ABCD2: variants seen among roughly 807,000 people sequenced by gnomAD.
ABCD2 encodes the protein ATP binding cassette subfamily D member 2.
ABCD2 carries 36 observed loss-of-function variants against 70.9 expected under a neutral mutation model. The observed-to-expected ratio is 0.51, with a 90% CI of 0.39 to 0.67. ABCD2 has a LOEUF of 0.67. Among genes scored for constraint, ABCD2 ranks in the 30% least tolerant of loss-of-function variants. The pLI is 0.00. For synonymous variants in ABCD2, 304 were observed against 306.9 expected, an observed-to-expected ratio of 0.99 and a Z score of 0.10; for missense variants, 729 against 890.2, an observed-to-expected ratio of 0.82 and a Z score of 2.30.
chr12:39,613,830 A>T (rs930969300), intron 2 of ABCD2, among the ~76,000 whole-genome samples: 7 of 152,248 alleles, frequency 4.6e-5, no homozygotes, highest in Non-Finnish European at 1.0e-4. Flanking sequence ...GAATTTGAAT[A>T]CAAACATAAT....
rs769271569 is a variant in ABCD2, at chr12:39,579,637, A to G, written c.1793-18T>C. On this transcript the variant is annotated intron_variant, in intron 7 of 9. Transcript: ENST00000308666. The stretch of plus-strand genomic sequence containing the variant: ...ATCCCATCCTTAAGAAAATAAAAAA[A>G]TATACATTTTTATAAATCATTTGTT... The G allele has an allele frequency of 6.4e-6, 10 of 1,559,298 alleles. No individual in the cohort carries two copies. Among genetic ancestry groups the G allele is most frequent in the South Asian group, 5.8e-5 (5 of 86,904 alleles).
At chr12:39,567,678 C>A (rs956660121) in intron 9 of ABCD2, among the ~76,000 whole-genome samples, 1 of 152,134 alleles carries the variant, frequency 6.6e-6, no homozygotes, top group African/African-American at 2.4e-5. Flanking sequence ...ATGATGTTAG[C>A]TGATTATTTT....
chr12:39,569,547 G>A (rs1278978890), intron 9 of ABCD2, among the ~76,000 whole-genome samples: 1 of 152,204 alleles, frequency 6.6e-6, no homozygotes, highest in African/African-American at 2.4e-5. Context: ...GAGTAGGAAA[G>A]GGAATTCCCT....
chr12:39,548,444 C>T (rs1033670878), downstream of ABCD2, among the ~76,000 whole-genome samples: 4 of 152,002 alleles, frequency 2.6e-5, no homozygotes, highest in Admixed American at 6.6e-5. Flanking sequence ...GGAAACTTGT[C>T]TCATATAAAC....
intron 9 of ABCD2, among the ~76,000 whole-genome samples, chr12:39,573,239 A>G (rs1210326775): frequency 6.6e-6 from 1 of 152,092 alleles, no homozygotes; most frequent in East Asian, 1.9e-4. Context: ...GTTCTAAAAA[A>G]ATTTAGCTCA....
At chr12:39,603,708 C>T (rs945222111) in intron 5 of ABCD2, among the ~76,000 whole-genome samples, 7 of 152,008 alleles carry the variant, frequency 4.6e-5, no homozygotes, top group African/African-American at 1.7e-4. Flanking sequence ...TTCAACCTGG[C>T]AATAAAGCAG....
chr12:39,554,623 T>G (rs1241038363), intron 9 of ABCD2, among the ~76,000 whole-genome samples: 1 of 152,224 alleles, frequency 6.6e-6, no homozygotes, highest in East Asian at 1.9e-4. Context: ...TTAAAAACAT[T>G]TTAAAAAACA....
At chr12:39,535,869 G>A in the ABCD2 span, among the ~76,000 whole-genome samples, 1 of 152,264 alleles carries the variant, frequency 6.6e-6, no homozygotes, top group Non-Finnish European at 1.5e-5. Context: ...GAGGCCAGGC[G>A]CGGTGGCTCA....
chr12:39,533,114 G>A, the ABCD2 span, among the ~76,000 whole-genome samples: 10 of 152,088 alleles, frequency 6.6e-5, no homozygotes, highest in East Asian at 1.7e-3. Context: ...GCAGTGAGCC[G>A]AGATCGTGTC....
the ABCD2 span, among the ~76,000 whole-genome samples, chr12:39,541,966 T>C: frequency 0.084 from 12,842 of 152,100 alleles, 1,840 homozygotes; most frequent in African/African-American, 0.29. Context: ...GAAGACAGGA[T>C]AGTGATGGCA....
intron 7 of ABCD2, among the ~76,000 whole-genome samples, chr12:39,584,951 T>G (rs1020131919): frequency 1.3e-5 from 2 of 152,214 alleles, no homozygotes; most frequent in Non-Finnish European, 2.9e-5. Context: ...TGGGGCAGCA[T>G]GATGCCTCCA....
intron 1 of ABCD2, among the ~76,000 whole-genome samples, chr12:39,618,063 A>T (rs1237314799): frequency 6.7e-6 from 1 of 149,640 alleles, no homozygotes; most frequent in Non-Finnish European, 1.5e-5. Flanking sequence ...ATTTCATTTC[A>T]CTTCCTCTTT....
chr12:39,589,796 CTT>C lies in ABCD2; in HGVS notation c.1647-3501_1647-3500del, dbSNP rs536046789. 7.9e-3 allele frequency among the ~76,000 whole-genome samples: 1,194 copies of C among 152,026 alleles called. 10 individuals are homozygous for C. Among genetic ancestry groups the C allele is most frequent in the Non-Finnish European group, 0.013 (860 of 67,966 alleles). Reference sequence around the variant, plus strand: ...GAATATGTATAAAAGTATTCATAAGCTTATATATTTATTGAGGACTAATCAAA... The same window carrying C: ...GAATATGTATAAAAGTATTCATAAGCATATATTTATTGAGGACTAATCAAA... On this transcript the variant is annotated intron_variant, in intron 6 of 9. Transcript: ENST00000308666.
In ABCD2 at chr12:39,552,063, T is replaced by C; in HGVS notation, c.*1849A>G. 6.6e-6 allele frequency: 1 copy of C among 151,860 alleles called. No individual in the cohort carries two copies. Among genetic ancestry groups the C allele is most frequent in the East Asian group, 1.9e-4 (1 of 5,200 alleles). The allele number at this position is 151,860 out of a possible 1,614,324, so 9.4% of individuals were successfully genotyped here. A position where few individuals can be genotyped will look rare whatever the true frequency, so the allele number is the denominator to read the frequency against. On this transcript the variant is annotated 3_prime_UTR_variant, in exon 10 of 10. Coordinates refer to ENST00000308666, the MANE Select transcript of ABCD2 (RefSeq NM_005164.4). ...GTTCCATGCTTCTTAAAAAAAAATC[T>C]TTAATTCCTGCCTCACTTTTCTAAC...
At chr12:39,609,931 C>T (rs1293779740) in intron 2 of ABCD2, among the ~76,000 whole-genome samples, 1 of 152,088 alleles carries the variant, frequency 6.6e-6, no homozygotes, top group African/African-American at 2.4e-5. Context: ...AGAGAGCTTA[C>T]AGCTTGGTAG....
rs1263876238 is a variant in ABCD2 at position 39,552,633 on chromosome 12, G to C, written c.*1279C>G. 6.6e-6 allele frequency: 1 copy of C among 151,932 alleles called. No homozygotes were observed. Among genetic ancestry groups the C allele is most frequent in the African/African-American group, 2.4e-5 (1 of 41,410 alleles). 9.4% of individuals were successfully genotyped at this position (151,932 alleles called of 1,614,324 possible). On this transcript the variant is annotated 3_prime_UTR_variant, in exon 10 of 10. Transcript: ENST00000308666. ...TAATATTGAGTAAGACTGCATAGTT[G>C]CTGAATGATTTACTAACTTTCTCAT...
At chr12:39,587,649 C>A (rs1282669015) in intron 6 of ABCD2, among the ~76,000 whole-genome samples, 3 of 152,126 alleles carry the variant, frequency 2.0e-5, no homozygotes, top group African/African-American at 7.2e-5. Context: ...GTGGGAGGAA[C>A]AAGGTGGAAT....
the ABCD2 span, among the ~76,000 whole-genome samples, chr12:39,535,202 G>C: frequency 6.6e-6 from 1 of 152,050 alleles, no homozygotes; most frequent in East Asian, 1.9e-4. Context: ...GACCACATTT[G>C]GAATCAGACG....
chr12:39,547,988 G>A (rs544979171), downstream of ABCD2, among the ~76,000 whole-genome samples: 16 of 151,970 alleles, frequency 1.1e-4, no homozygotes, highest in Non-Finnish European at 1.9e-4. Context: ...TTTGACCTAC[G>A]ATTTTTCAAC....
Sources: allele counts gnomAD v4.1 joint callset (sites outside exome capture counted in the v4.1 genomes callset), GRCh38; gene constraint gnomAD v4.1.1; transcripts MANE v1.5; gene names NCBI Gene and HGNC (gene_info 2026-07-23, HGNC 2026-07-21).